Variants in RSU1 observed in about 807,000 individuals in gnomAD.
The protein encoded by RSU1 is Ras suppressor protein 1.
A neutral mutation model predicts 31.1 loss-of-function variants in RSU1; 26 were observed. That is an observed-to-expected ratio of 0.84 (90% CI 0.61 to 1.16). RSU1 has a LOEUF of 1.16. RSU1 is among the 50% of genes most tolerant of loss of function. The pLI is 0.00. For missense variants in RSU1, 320 were observed against 339.1 expected (o/e 0.94, Z 0.44); for synonymous variants, 164 against 136.3 (o/e 1.20, Z -1.41).
intron 7 of RSU1, among the ~76,000 whole-genome samples, chr10:16,714,915 G>C (rs930330366): frequency 6.6e-5 from 10 of 152,174 alleles, no homozygotes; most frequent in Admixed American, 5.2e-4. Flanking sequence ...TTGGGGGCCT[G>C]TGAAGTTTAG....
intron 2 of RSU1, among the ~76,000 whole-genome samples, chr10:16,807,217 A>T (rs756318883): frequency 6.6e-6 from 1 of 152,202 alleles, no homozygotes; most frequent in East Asian, 1.9e-4. Flanking sequence ...CCTTGCAAGT[A>T]ATTGCTTGTT....
intron 3 of RSU1, among the ~76,000 whole-genome samples, chr10:16,779,068 T>C (rs1183784685): frequency 6.6e-6 from 1 of 152,184 alleles, no homozygotes. Context: ...AAAAATTCAC[T>C]TGCAACTATT....
At chr10:16,733,590 ACT>A (rs1321812970) in intron 7 of RSU1, among the ~76,000 whole-genome samples, 1 of 152,040 alleles carries the variant, frequency 6.6e-6, no homozygotes, top group African/African-American at 2.4e-5. Flanking sequence ...ATCAGCGAAA[ACT>A]CTCATAGTCT....
chr10:16,632,950 T>TA (rs1240271217), intron 8 of RSU1, among the ~76,000 whole-genome samples: 20 of 151,112 alleles, frequency 1.3e-4, no homozygotes, highest in Middle Eastern at 3.4e-3. Flanking sequence ...CAACAAAATT[T>TA]AAAAAAAAAC....
Position 16,628,446 on chromosome 10 carries a change from G to A in RSU1, c.732-34950C>T, listed in dbSNP as rs369636125. On this transcript the variant is annotated intron_variant, in intron 8 of 8. Coordinates refer to ENST00000345264, the MANE Select transcript of RSU1 (RefSeq NM_012425.4). The stretch of plus-strand genomic sequence containing the variant: ...GTGTACCTAATACTTAATTTCTTTC[G>A]ATATAAATCTTAAAAACATCACTGA... Among the ~76,000 whole-genome samples the A allele has an allele frequency of 7.9e-5, 12 of 152,018 alleles. No homozygotes were observed. The South Asian group carries it at 2.3e-3, about 29-fold the overall frequency.
chr10:16,635,342 C>T (rs979348491), intron 8 of RSU1, among the ~76,000 whole-genome samples: 1 of 152,194 alleles, frequency 6.6e-6, no homozygotes. Context: ...CATATCCTTT[C>T]CTCTCTCTGC....
intron 8 of RSU1, among the ~76,000 whole-genome samples, chr10:16,616,921 C>T (rs995431109): frequency 1.2e-4 from 18 of 151,774 alleles, no homozygotes; most frequent in Admixed American, 1.3e-4. Context: ...ACGGGTATTC[C>T]CTTTGAAAAA....
At chr10:16,624,178 A>G (rs1314157654) in intron 8 of RSU1, among the ~76,000 whole-genome samples, 1 of 151,774 alleles carries the variant, frequency 6.6e-6, no homozygotes, top group Admixed American at 6.6e-5. Flanking sequence ...TCAGGGTATC[A>G]GGTCCCTGCA....
intron 2 of RSU1, among the ~76,000 whole-genome samples, chr10:16,783,319 C>T (rs533116055): frequency 6.0e-5 from 9 of 150,072 alleles, no homozygotes; most frequent in Non-Finnish European, 8.8e-5. Context: ...GGGCTCAGCA[C>T]GCTTTGAAGA....
At chr10:16,722,641 T>C (rs1432174322) in intron 7 of RSU1, among the ~76,000 whole-genome samples, 1 of 152,086 alleles carries the variant, frequency 6.6e-6, no homozygotes, top group African/African-American at 2.4e-5. Flanking sequence ...GTTAAGGATA[T>C]TATGGGTCTA....
intron 8 of RSU1, among the ~76,000 whole-genome samples, chr10:16,602,665 G>A (rs1307893403): frequency 6.6e-6 from 1 of 152,200 alleles, no homozygotes; most frequent in African/African-American, 2.4e-5. Context: ...CTGTTCTGAA[G>A]TCGTTTGCTC....
chr10:16,600,792 G>T (rs1163599076), intron 8 of RSU1, among the ~76,000 whole-genome samples: 3 of 152,070 alleles, frequency 2.0e-5, no homozygotes, highest in African/African-American at 7.2e-5. Context: ...AAACTCTGGG[G>T]TTCAAGCAAT....
intron 3 of RSU1, among the ~76,000 whole-genome samples, chr10:16,765,379 G>C (rs976081472): frequency 1.3e-5 from 2 of 152,062 alleles, no homozygotes; most frequent in African/African-American, 4.8e-5. Flanking sequence ...GGTTACATCA[G>C]ATTAGCAAGA....
At chr10:16,706,889 C>T (rs1835915028) in intron 7 of RSU1, among the ~76,000 whole-genome samples, 1 of 151,736 alleles carries the variant, frequency 6.6e-6, no homozygotes. Context: ...CATCTCTTCC[C>T]GCCCCTCCCA....
chr10:16,773,119 G>A (rs1213999344), intron 3 of RSU1, among the ~76,000 whole-genome samples: 2 of 151,782 alleles, frequency 1.3e-5, no homozygotes, highest in African/African-American at 4.8e-5. Flanking sequence ...AAGATCACTT[G>A]AGCCTGGAGG....
intron 8 of RSU1, among the ~76,000 whole-genome samples, chr10:16,603,537 T>C (rs1225677465): frequency 6.6e-6 from 1 of 152,224 alleles, no homozygotes; most frequent in Non-Finnish European, 1.5e-5. Flanking sequence ...GTATGTTCCC[T>C]GGGGAAGGAG....
At chr10:16,775,305 G>C (rs966819072) in intron 3 of RSU1, among the ~76,000 whole-genome samples, 6 of 152,154 alleles carry the variant, frequency 3.9e-5, no homozygotes, top group Non-Finnish European at 7.3e-5. Flanking sequence ...CTAATTATGA[G>C]TTGGAAAGTG....
At chr10:16,674,514 G>A (rs1422754749) in intron 8 of RSU1, among the ~76,000 whole-genome samples, 1 of 151,770 alleles carries the variant, frequency 6.6e-6, no homozygotes, top group South Asian at 2.1e-4. Context: ...CTAGGTGCCA[G>A]GCAATGTCTG....
chr10:16,632,262 C>T (rs931914387), intron 8 of RSU1, among the ~76,000 whole-genome samples: 2 of 152,088 alleles, frequency 1.3e-5, no homozygotes, highest in Non-Finnish European at 2.9e-5. Context: ...AACGATTTAC[C>T]AGATTTAGAA....
Sources: allele counts gnomAD v4.1 joint callset (sites outside exome capture counted in the v4.1 genomes callset), GRCh38; gene constraint gnomAD v4.1.1; transcripts MANE v1.5; gene names NCBI Gene and HGNC (gene_info 2026-07-23, HGNC 2026-07-21).